The following KIAA1671 variants were observed in gnomAD, a reference collection of about 807,000 sequenced individuals.
KIAA1671 encodes KIAA1671.
KIAA1671 carries 52 observed loss-of-function variants against 131.2 expected under a neutral mutation model. The observed-to-expected ratio is 0.40, with a 90% confidence interval of 0.32 to 0.50. KIAA1671 has a LOEUF of 0.50. Ranked by LOEUF, KIAA1671 falls within the 20% of genes least tolerant of loss-of-function variation. The probability of loss-of-function intolerance (pLI) is 0.73; values close to 1 mark genes in which losing one functional copy is unlikely to be tolerated. For missense variants in KIAA1671, 2,360 were observed against 2,364.2 expected, an observed-to-expected ratio of 1.00 and a Z score of 0.04; for synonymous variants, 1,003 against 961.6, an observed-to-expected ratio of 1.04 and a Z score of -0.80.
intron 3 of KIAA1671, among the ~76,000 whole-genome samples, chr22:25,030,496 C>G (rs1486109640): frequency 6.6e-6 from 1 of 151,866 alleles, no homozygotes; most frequent in Non-Finnish European, 1.5e-5. Context: ...GATCACACCA[C>G]TCCACTCCAG....
chr22:25,103,258 T>A (rs528570807), intron 6 of KIAA1671, among the ~76,000 whole-genome samples: 1 of 149,224 alleles, frequency 6.7e-6, no homozygotes, highest in Non-Finnish European at 1.5e-5. Context: ...TCACCCAGGC[T>A]GGAGTGCAGT....
intron 1 of KIAA1671, among the ~76,000 whole-genome samples, chr22:24,958,374 G>T (rs549384823): frequency 6.6e-6 from 1 of 152,262 alleles, no homozygotes; most frequent in South Asian, 2.1e-4. Context: ...TTAAGACCGG[G>T]TGAGGTGGCT....
Position 25,018,577 on chromosome 22 carries a change from G to A in KIAA1671, c.-207-7056G>A, listed in dbSNP as rs926063049. On this transcript the variant is annotated intron_variant, in intron 1 of 12. Transcript: ENST00000358431. The stretch of plus-strand genomic sequence containing the variant: ...AAACAATAACTCCCCATTCCCCAGC[G>A]CTGGCAACCACCATTGTACTTTCTG... Among the ~76,000 whole-genome samples, 25 of 152,116 alleles carry A rather than the reference G, an allele frequency of 1.6e-4. 1 individual carries two copies. The highest frequency in any genetic ancestry group is 2.6e-4 in the Non-Finnish European group (18 of 67,996).
chr22:25,050,799 G>A (rs1396501526), intron 6 of KIAA1671: 1 of 152,226 alleles, frequency 6.6e-6, no homozygotes, highest in Non-Finnish European at 1.5e-5. Flanking sequence ...TTTGAAACCT[G>A]CCTGGATTTT....
chr22:25,069,465 A>G (rs1928688681), intron 6 of KIAA1671, among the ~76,000 whole-genome samples: 1 of 152,278 alleles, frequency 6.6e-6, no homozygotes, highest in South Asian at 2.1e-4. Context: ...CTGGTGCCTC[A>G]GGGAGCTGAT....
chr22:25,181,655 C>T (rs2146035377), intron 9 of KIAA1671, 44 bp from the exon 10 acceptor site: 2 of 1,549,772 alleles, frequency 1.3e-6, no homozygotes, highest in South Asian at 1.2e-5. Flanking sequence ...GACCTCAATA[C>T]ATGGCAGCTG....
rs553920102 is a variant in KIAA1671 at position 25,156,541 on chromosome 22, G to A, written c.4531-14279G>A. 8.7e-5 allele frequency among the ~76,000 whole-genome samples: 13 copies of A among 149,740 alleles called. No homozygotes were observed. In the East Asian group the frequency reaches 1.5e-3, roughly 18 times the overall value. The stretch of plus-strand genomic sequence containing the variant: ...TGTATATATGTGTATGTGTACATCC[G>A]TATGTGTTTTTGTGTCTTTGCATGT... On this transcript the variant is annotated intron_variant, in intron 6 of 12. Coordinates refer to ENST00000358431, the MANE Select transcript of KIAA1671 (RefSeq NM_001145206.2).
chr22:25,158,707 T>C (rs1933329132), intron 6 of KIAA1671, among the ~76,000 whole-genome samples: 1 of 152,176 alleles, frequency 6.6e-6, no homozygotes, highest in African/African-American at 2.4e-5. Context: ...TGGGTTTGAA[T>C]GGAGCTCCTT....
At chr22:25,035,036 CTTTTTT>C (rs143999685) in intron 4 of KIAA1671, among the ~76,000 whole-genome samples, 1 of 117,560 alleles carries the variant, frequency 8.5e-6, no homozygotes, top group Admixed American at 9.2e-5. Context: ...TGCGCCTGGC[CTTTTTT>C]TTTTTTTTTT....
At position 25,028,665 on chromosome 22, in the gene KIAA1671, C is replaced by A; in HGVS notation, c.666C>A (p.Ser222Arg). The A allele has an allele frequency of 6.4e-7, 1 of 1,551,232 alleles. No individual in the cohort carries two copies. Among genetic ancestry groups the A allele is most frequent in the Non-Finnish European group, 8.7e-7 (1 of 1,147,014 alleles). Reference protein sequence around the residue: ...AGQDHPPSKASSVEDTARPLV... With the variant: ...AGQDHPPSKARSVEDTARPLV... ...AAGACCATCCTCCCTCAAAGGCCAG[C>A]AGTGTGGAGGACACGGCACGCCCCC... Residue 222 changes from serine (S) to arginine (R), a missense_variant, in exon 3 of 13, where the codon AGC (serine) becomes AGA (arginine). By Grantham distance (110) the Ser-to-Arg change is moderately radical (BLOSUM62 -1). Coordinates refer to ENST00000358431, the MANE Select transcript of KIAA1671 (RefSeq NM_001145206.2).
chr22:25,096,114 C>T (rs2145888378), intron 6 of KIAA1671, among the ~76,000 whole-genome samples: 1 of 152,314 alleles, frequency 6.6e-6, no homozygotes, highest in East Asian at 1.9e-4. Flanking sequence ...CCTAGAGCTC[C>T]TGAGGAATTC....
At position 25,170,952 on chromosome 22, in the gene KIAA1671, G is replaced by A. The variant is rs764689759; in HGVS notation, c.4649+14G>A. On this transcript the variant is annotated intron_variant, in intron 7 of 12. Transcript: ENST00000358431. ...GAGTGGGGAGAGGTAGGACGCGTGC[G>A]ACGGGATTCTGGCTGCAAAGGGGGC... 71 of 1,549,406 alleles carry A rather than the reference G, an allele frequency of 4.6e-5. No individual in the cohort carries two copies. In the East Asian group the frequency reaches 5.1e-4, roughly 11 times the overall value.
intron 10 of KIAA1671, among the ~76,000 whole-genome samples, chr22:25,184,746 T>G (rs1934412133): frequency 6.6e-6 from 1 of 151,780 alleles, no homozygotes; most frequent in South Asian, 2.1e-4. Flanking sequence ...AAAGAGAATG[T>G]GATTATGTGG....
rs1276482942 is a variant in KIAA1671 at position 25,193,851 on chromosome 22, C to G, written c.*1450C>G. On this transcript the variant is annotated 3_prime_UTR_variant, in exon 13 of 13. Coordinates refer to ENST00000358431, the MANE Select transcript of KIAA1671 (RefSeq NM_001145206.2). ...CATGTCACCCACCCAGCCTTTTACA[C>G]CTGGGAGCCTCATGCATCTGGGTTT... is the stretch of plus-strand genomic sequence containing the variant. The G allele has an allele frequency of 6.6e-6, 1 of 152,156 alleles. No individual in the cohort carries two copies. Among genetic ancestry groups the G allele is most frequent in the Non-Finnish European group, 1.5e-5 (1 of 68,036 alleles). 9.4% of individuals were successfully genotyped at this position (152,156 alleles called of 1,614,324 possible).
chr22:25,062,827 C>CCCAGCCA (rs1257589891), intron 6 of KIAA1671: 1 of 98,936 alleles, frequency 1.0e-5, no homozygotes, highest in African/African-American at 3.8e-5. Flanking sequence ...CACCCCCGCC[C>CCCAGCCA]CCCGCCACCC....
At chr22:25,048,117 G>GCCC (rs1471291967) in intron 5 of KIAA1671, among the ~76,000 whole-genome samples, 2 of 152,232 alleles carry the variant, frequency 1.3e-5, no homozygotes, top group Non-Finnish European at 2.9e-5. Flanking sequence ...GGCCTCCCCA[G>GCCC]CTGGGGGATG....
intron 6 of KIAA1671, among the ~76,000 whole-genome samples, chr22:25,167,772 G>A (rs373753049): frequency 3.3e-5 from 5 of 152,116 alleles, no homozygotes; most frequent in South Asian, 2.1e-4. Context: ...CTGAATTCCC[G>A]TCCTTGTATA....
chr22:25,132,295 T>G (rs921578605), intron 6 of KIAA1671, among the ~76,000 whole-genome samples: 2 of 152,164 alleles, frequency 1.3e-5, no homozygotes, highest in Non-Finnish European at 2.9e-5. Context: ...CCTAGACATC[T>G]GACATAATTG....
chr22:25,070,296 A>C (rs1378094468), intron 6 of KIAA1671: 1 of 418,070 alleles, frequency 2.4e-6, no homozygotes, highest in Non-Finnish European at 4.4e-6. Flanking sequence ...CAGGAGTGAG[A>C]AGAGCCGCTC....
Sources: gnomAD v4.1 joint callset for allele counts (sites outside exome capture counted in the v4.1 genomes callset) on GRCh38, gnomAD v4.1.1 for gene constraint, MANE v1.5 for transcripts, NCBI Gene and HGNC (gene_info 2026-07-23, HGNC 2026-07-21) for gene names.